The following USO1 variants were observed in gnomAD, a reference collection of about 807,000 sequenced individuals.
USO1 encodes the protein USO1 vesicle transport factor.
In USO1, 57 loss-of-function variants were observed where a neutral mutation model predicts 124.5. The observed-to-expected ratio is 0.46, with a 90% confidence interval of 0.37 to 0.57. The LOEUF is 0.57. Among genes scored for constraint, USO1 ranks in the 20% least tolerant of loss-of-function variants. The probability of loss-of-function intolerance (pLI) is 0.00; values close to 1 mark genes in which losing one functional copy is unlikely to be tolerated. For missense variants in USO1, 900 were observed against 1,040.6 expected (o/e 0.86, Z 1.86); for synonymous variants, 369 against 362.8 (o/e 1.02, Z -0.19).
chr4:75,742,449 G>C lies in USO1; in HGVS notation c.67-9924G>C, dbSNP rs530397632. 2.6e-5 allele frequency among the ~76,000 whole-genome samples: 4 copies of C among 152,134 alleles called. No individual in the cohort carries two copies. The East Asian group carries it at 7.7e-4, about 29-fold the overall frequency. On this transcript the variant is annotated intron_variant, in intron 1 of 23. Coordinates refer to ENST00000514213, the MANE Select transcript of USO1 (RefSeq NM_003715.4). ...GCGTATTTTAAAATTTTTAACAGTG[G>C]GTTTTGGAGATTTGTTTCAAACAAA... is the stretch of plus-strand genomic sequence containing the variant.
At chr4:75,774,136 G>C (rs1436782573) in intron 7 of USO1, among the ~76,000 whole-genome samples, 1 of 152,140 alleles carries the variant, frequency 6.6e-6, no homozygotes, top group Non-Finnish European at 1.5e-5. Flanking sequence ...TCTTGTGTTG[G>C]ACATGCCATT....
intron 8 of USO1, among the ~76,000 whole-genome samples, chr4:75,781,802 A>G (rs1046688879): frequency 2.6e-5 from 4 of 152,180 alleles, no homozygotes; most frequent in African/African-American, 9.6e-5. Flanking sequence ...CAGCTCAACT[A>G]TTAGGAATAA....
chr4:75,767,926 A>G (rs936829204), intron 4 of USO1, among the ~76,000 whole-genome samples: 2 of 152,234 alleles, frequency 1.3e-5, no homozygotes, highest in Non-Finnish European at 2.9e-5. Flanking sequence ...ACTGTAGATC[A>G]ATTTGTGAAA....
intron 9 of USO1, among the ~76,000 whole-genome samples, chr4:75,785,078 T>C (rs1299171908): frequency 2.0e-5 from 3 of 152,228 alleles, no homozygotes; most frequent in African/African-American, 7.2e-5. Flanking sequence ...TATCTTCTGC[T>C]ATTCTGTTAG....
chr4:75,787,184 T>C lies in USO1; in HGVS notation c.978T>C (p.Pro326=), dbSNP rs201692387. 9.0e-6 allele frequency: 14 copies of C among 1,554,174 alleles called. No individual in the cohort carries two copies. Among genetic ancestry groups the C allele is most frequent in the Non-Finnish European group, 1.2e-5 (14 of 1,153,286 alleles). Residue 326 remains proline, a synonymous_variant, in exon 10 of 24, where the codon CCT becomes CCC. Transcript: ENST00000514213. ...LCTILMATGV[P]ADILTETINT... The stretch of plus-strand genomic sequence containing the variant: ...CTATCCTAATGGCTACTGGGGTTCC[T>C]GCTGATATCCTGACTGAGGTAAAGC...
At chr4:75,758,414 A>G (rs987517216) in intron 4 of USO1, among the ~76,000 whole-genome samples, 1 of 152,212 alleles carries the variant, frequency 6.6e-6, no homozygotes, top group African/African-American at 2.4e-5. Context: ...TTCTGAGTAG[A>G]CAAATAATAA....
intron 1 of USO1, among the ~76,000 whole-genome samples, chr4:75,727,900 C>T (rs966844870): frequency 9.2e-5 from 14 of 152,262 alleles, no homozygotes; most frequent in Non-Finnish European, 1.9e-4. Flanking sequence ...CCTTTCTGAG[C>T]TACCTTTACA....
intron 8 of USO1, among the ~76,000 whole-genome samples, chr4:75,778,830 A>T (rs1436976997): frequency 3.3e-5 from 5 of 152,188 alleles, no homozygotes; most frequent in Non-Finnish European, 5.9e-5. Flanking sequence ...GAAATGTACC[A>T]CATTAATGCA....
chr4:75,788,166 TA>T (rs1209129608), intron 10 of USO1, among the ~76,000 whole-genome samples: 2,822 of 92,408 alleles, frequency 0.031, 46 homozygotes, highest in African/African-American at 0.05. Flanking sequence ...TTTATTTATT[TA>T]TTTATTTTTT....
chr4:75,789,748 A>G (rs898997027), intron 10 of USO1, among the ~76,000 whole-genome samples: 1 of 151,956 alleles, frequency 6.6e-6, no homozygotes, highest in African/African-American at 2.4e-5. Context: ...AACTCTTTAA[A>G]TTTGTTCTTT....
At chr4:75,731,767 G>A (rs973096790) in intron 1 of USO1, among the ~76,000 whole-genome samples, 1 of 151,956 alleles carries the variant, frequency 6.6e-6, no homozygotes, top group Non-Finnish European at 1.5e-5. Flanking sequence ...AATATTTGTT[G>A]GATAAATGAT....
chr4:75,747,034 T>A (rs1192532469), intron 1 of USO1, among the ~76,000 whole-genome samples: 1 of 152,172 alleles, frequency 6.6e-6, no homozygotes, highest in Non-Finnish European at 1.5e-5. Flanking sequence ...ATATAAAGCT[T>A]TTATATGTAT....
intron 14 of USO1, among the ~76,000 whole-genome samples, chr4:75,800,006 C>A (rs985657918): frequency 1.3e-5 from 2 of 151,092 alleles, no homozygotes; most frequent in African/African-American, 4.9e-5. Flanking sequence ...TGTAGTGGCG[C>A]GATCTCGGCT....
chr4:75,747,865 T>A (rs1440190636), intron 1 of USO1, among the ~76,000 whole-genome samples: 1 of 146,662 alleles, frequency 6.8e-6, no homozygotes, highest in Non-Finnish European at 1.5e-5. Flanking sequence ...TCCGCCCACC[T>A]CGGCCTCCCA....
intron 1 of USO1, among the ~76,000 whole-genome samples, chr4:75,739,610 G>A (rs1160880600): frequency 1.4e-5 from 2 of 138,284 alleles, no homozygotes; most frequent in South Asian, 2.3e-4. Context: ...GCGTGATCTC[G>A]GCTCACTGCA....
intron 1 of USO1, 132 bp downstream of exon 1, chr4:75,725,017 C>G (rs551082661): frequency 4.4e-6 from 4 of 906,716 alleles, no homozygotes; most frequent in Non-Finnish European, 6.7e-6. Flanking sequence ...TCCCCCTTTG[C>G]CCTCCTTCCG....
Position 75,801,189 on chromosome 4 carries a change from A to G in USO1, c.1975A>G (p.Ile659Val), listed in dbSNP as rs764883238. ...DNIVTHYKNM[I>V]REQDLQLEEL... The stretch of plus-strand genomic sequence containing the variant: ...TATTGTGACTCACTACAAAAATATG[A>G]TTCGAGAGCAGGTAAGTACTAATGA... The change falls in exon 17 of 24, where the codon ATT becomes GTT. Residue 659 changes from isoleucine (I) to valine (V), a missense_variant. This residue lies in a region of USO1 where 362 missense variants were observed against 359.0 expected (regional missense o/e 1.01). Transcript: ENST00000514213. 1.2e-6 allele frequency: 2 copies of G among 1,607,474 alleles called. No individual in the cohort carries two copies. Among genetic ancestry groups the G allele is most frequent in the South Asian group, 1.1e-5 (1 of 89,218 alleles).
chr4:75,805,172 G>A lies in USO1; in HGVS notation c.2158G>A (p.Glu720Lys), dbSNP rs1222887592. Reference protein sequence around the residue: ...KDNQHQGSYSEGAQMNGIQPE... With the variant: ...KDNQHQGSYSKGAQMNGIQPE... ...CAATCAGCATCAAGGTTCTTACAGT[G>A]AGGGGGCTCAGATGAATGGCATTCA... The change falls in exon 19 of 24, where the codon GAG becomes AAG. Residue 720 changes from glutamate to lysine, a missense_variant. By Grantham distance (56) the Glu-to-Lys change is moderately conservative (BLOSUM62 1). Transcript: ENST00000514213. 4 of 1,609,488 alleles carry A rather than the reference G, an allele frequency of 2.5e-6. No homozygotes were observed. Among genetic ancestry groups the A allele is most frequent in the African/African-American group, 1.3e-5 (1 of 74,766 alleles).
At chr4:75,752,053 C>T (rs2149154122) in intron 1 of USO1, among the ~76,000 whole-genome samples, 1 of 152,138 alleles carries the variant, frequency 6.6e-6, no homozygotes, top group East Asian at 1.9e-4. Flanking sequence ...TTGGATTATG[C>T]TCCCCTCCTG....
Sources: gnomAD v4.1 joint callset for allele counts (sites outside exome capture counted in the v4.1 genomes callset) on GRCh38, gnomAD v4.1.1 for gene constraint, gnomAD v4.1.1 regional missense constraint, MANE v1.5 for transcripts, NCBI Gene and HGNC (gene_info 2026-07-23, HGNC 2026-07-21) for gene names.